The following NAIP variants were observed in gnomAD, a reference collection of about 807,000 sequenced individuals.
The protein encoded by NAIP is baculoviral IAP repeat-containing protein 1.
A neutral mutation model predicts 23.0 loss-of-function variants in NAIP; 15 were observed. The ratio of observed to expected loss-of-function variants is 0.65; its 90% CI spans 0.44 to 1.00. The LOEUF is 1.00. NAIP is among the 50% of genes least tolerant of loss of function. The probability of loss-of-function intolerance (pLI) is 0.00; values close to 1 mark genes in which losing one functional copy is unlikely to be tolerated. For synonymous variants in NAIP, 100 were observed against 100.2 expected (o/e 1.00, Z 0.01); for missense variants, 265 against 278.8 (o/e 0.95, Z 0.35).
At chr5:71,011,234 A>T (rs1298154503) in intron 5 of NAIP, 41 bp downstream of exon 5, 1 of 1,503,514 alleles carries the variant, frequency 6.7e-7, no homozygotes, top group Non-Finnish European at 9.1e-7. Context: ...CTGTCTCAAA[A>T]AAAAAAGAAA....
At chr5:71,011,487 C>T in intron 4 of NAIP, 113 bp from the exon 5 acceptor site, 1 of 865,578 alleles carries the variant, frequency 1.2e-6, no homozygotes. Context: ...CTGTGCACTC[C>T]CGATCTCATT....
chr5:70,978,827 C>CTTGT (rs1329081902), intron 13 of NAIP, among the ~76,000 whole-genome samples: 1 of 38,380 alleles, frequency 2.6e-5, no homozygotes, highest in East Asian at 1.3e-3. Flanking sequence ...GAGTTTTGCT[C>CTTGT]TCGTTCCCCA....
chr5:71,010,497 T>C (rs1751098941), intron 5 of NAIP, among the ~76,000 whole-genome samples: 1 of 151,422 alleles, frequency 6.6e-6, no homozygotes, highest in South Asian at 2.1e-4. Flanking sequence ...CTTGATTTCC[T>C]GACCTCGGAT....
chr5:70,973,063 G>A (rs1750234991), intron 16 of NAIP, among the ~76,000 whole-genome samples: 1 of 151,420 alleles, frequency 6.6e-6, no homozygotes, highest in African/African-American at 2.4e-5. Context: ...ATCACGCCTG[G>A]CTAATTTTTT....
At chr5:71,011,695 G>A (rs1751168423) in intron 4 of NAIP, 3 of 466,590 alleles carry the variant, frequency 6.4e-6, no homozygotes, top group Non-Finnish European at 1.2e-5. Context: ...GAAGTAACGT[G>A]CAATTAGAAA....
intron 3 of NAIP, among the ~76,000 whole-genome samples, 189 bp from the exon 4 acceptor site, chr5:71,013,107 A>G (rs1054587091): frequency 6.6e-6 from 1 of 151,592 alleles, no homozygotes; most frequent in Non-Finnish European, 1.5e-5. Context: ...CTAAGCACCT[A>G]CTATATATCA....
intron 3 of NAIP, among the ~76,000 whole-genome samples, chr5:71,014,227 A>G (rs1292883371): frequency 5.3e-5 from 8 of 150,676 alleles, no homozygotes; most frequent in Non-Finnish European, 1.0e-4. Flanking sequence ...CCTCCTGAGT[A>G]GCTGGGATTA....
rs1473367719 is a variant in NAIP, at chr5:71,017,688, G to A, written c.-4+2971C>T. The stretch of plus-strand genomic sequence containing the variant: ...CCTGAGTAGCTGGGATTACAGGCAT[G>A]TGCCACCATGCCCGGCTAATTTTTT... On this transcript the variant is annotated intron_variant, in intron 3 of 16. Transcript: ENST00000517649. Among the ~76,000 whole-genome samples, 5 of 79,486 alleles carry A rather than the reference G, an allele frequency of 6.3e-5. 2 individuals are homozygous for A. The highest frequency in any genetic ancestry group is 1.5e-4 in the Non-Finnish European group (5 of 32,742). 52.1% of individuals were successfully genotyped at this position (79,486 alleles called of 152,430 possible).
intron 6 of NAIP, among the ~76,000 whole-genome samples, chr5:71,002,411 T>A: frequency 1.7e-5 from 1 of 59,830 alleles, no homozygotes; most frequent in African/African-American, 8.5e-5. Flanking sequence ...CTTTTTTTTT[T>A]TTTTTTTTTT....
chr5:71,011,664 C>T (rs138065700), intron 4 of NAIP: 37 of 482,870 alleles, frequency 7.7e-5, no homozygotes, highest in African/African-American at 5.6e-4. Flanking sequence ...ATAGGGAAGC[C>T]GACTAACACC....
chr5:71,009,600 G>C (rs1396779199), intron 5 of NAIP, among the ~76,000 whole-genome samples: 1 of 151,368 alleles, frequency 6.6e-6, no homozygotes, highest in Non-Finnish European at 1.5e-5. Flanking sequence ...TGAGGCACAA[G>C]AATCACTTGT....
chr5:71,010,509 C>T (rs1257285341), intron 5 of NAIP, among the ~76,000 whole-genome samples: 1 of 151,074 alleles, frequency 6.6e-6, no homozygotes, highest in Non-Finnish European at 1.5e-5. Flanking sequence ...ACCTCGGATC[C>T]ACCGGCCTCA....
Position 70,977,955 on chromosome 5 carries a change from C to T in NAIP, c.3443-897G>A, listed in dbSNP as rs1163471642. Among the ~76,000 whole-genome samples the T allele has an allele frequency of 2.4e-5, 3 of 125,282 alleles. No individual in the cohort carries two copies. The East Asian group carries it at 8.1e-4, about 34-fold the overall frequency. 82.2% of individuals were successfully genotyped at this position (125,282 alleles called of 152,430 possible). ...GGTTGCAGTGAGCTGACAACGGTGC[C>T]ACTGCACTCCAGCCTGGGTGACAGA... is the stretch of plus-strand genomic sequence containing the variant. On this transcript the variant is annotated intron_variant, in intron 13 of 16. Coordinates refer to ENST00000517649, the MANE Select transcript of NAIP (RefSeq NM_004536.3).
At chr5:71,002,401 CTTTTTTT>C (rs1157939944) in intron 6 of NAIP, among the ~76,000 whole-genome samples, 1 of 5,586 alleles carries the variant, frequency 1.8e-4, no homozygotes, top group African/African-American at 7.8e-4. Context: ...TGTTGGAGGT[CTTTTTTT>C]TTTTTTTTTT....
intron 5 of NAIP, among the ~76,000 whole-genome samples, chr5:71,008,319 C>T (rs1351246766): frequency 8.5e-6 from 1 of 117,052 alleles, no homozygotes; most frequent in Non-Finnish European, 1.8e-5. Flanking sequence ...ATCCGCCTAC[C>T]TTAGCCTCCC....
At chr5:71,009,369 A>AG (rs1474705124) in intron 5 of NAIP, among the ~76,000 whole-genome samples, 1 of 149,032 alleles carries the variant, frequency 6.7e-6, no homozygotes, top group Non-Finnish European at 1.5e-5. Flanking sequence ...TCTCAAAAAA[A>AG]AAAAAAAAAG....
chr5:71,014,017 G>C (rs1215083767), intron 3 of NAIP, among the ~76,000 whole-genome samples: 15 of 151,286 alleles, frequency 9.9e-5, no homozygotes, highest in Non-Finnish European at 1.8e-4. Flanking sequence ...ACTAATTTTC[G>C]TGCCTTTTTC....
chr5:71,011,738 T>C (rs1356698941), intron 4 of NAIP: 3 of 442,066 alleles, frequency 6.8e-6, no homozygotes, highest in South Asian at 5.7e-5. Flanking sequence ...GACATTTCGG[T>C]AGAAACATAG....
chr5:70,977,702 C>G (rs1430417860), intron 13 of NAIP, among the ~76,000 whole-genome samples: 1 of 118,780 alleles, frequency 8.4e-6, no homozygotes, highest in Non-Finnish European at 1.7e-5. Context: ...GAATACTATA[C>G]AAAGAAACAG....
Sources: allele counts gnomAD v4.1 joint callset (sites outside exome capture counted in the v4.1 genomes callset), GRCh38; gene constraint gnomAD v4.1.1; transcripts MANE v1.5; gene names NCBI Gene and HGNC (gene_info 2026-07-23, HGNC 2026-07-21).